The following REXO5 variants were observed in gnomAD, a reference collection of about 807,000 sequenced individuals.
REXO5 encodes exonuclease NEF-sp.
REXO5 carries 48 observed loss-of-function variants against 88.5 expected under a neutral mutation model. That is an observed-to-expected ratio of 0.54 (90% CI 0.43 to 0.69). The LOEUF (loss-of-function observed/expected upper bound fraction) is 0.69, where lower values mean the gene tolerates loss of function less well. Among genes scored for constraint, REXO5 ranks in the 30% least tolerant of loss-of-function variants. REXO5 has a pLI of 0.00. For synonymous variants in REXO5, 311 were observed against 336.5 expected, an observed-to-expected ratio of 0.92 and a Z score of 0.83; for missense variants, 749 against 912.2, an observed-to-expected ratio of 0.82 and a Z score of 2.30.
intron 5 of REXO5, among the ~76,000 whole-genome samples, chr16:20,820,512 T>TTTTATATATATATATATATATA (rs1249378107): frequency 2.2e-5 from 1 of 45,700 alleles, no homozygotes; most frequent in East Asian, 7.9e-4. Flanking sequence ...TTCTCTCTCT[T>TTTTATATATATATATATATATA]TATATATATA....
chr16:20,812,630 C>T (rs1474407747), intron 2 of REXO5, among the ~76,000 whole-genome samples: 1 of 152,092 alleles, frequency 6.6e-6, no homozygotes, highest in African/African-American at 2.4e-5. Flanking sequence ...TAGCTTAGGC[C>T]GCATTGATCT....
At chr16:20,815,156 C>T (rs2152501042) in intron 4 of REXO5, 103 bp downstream of exon 4, 1 of 1,292,704 alleles carries the variant, frequency 7.7e-7, no homozygotes, top group Non-Finnish European at 1.1e-6. Context: ...ACTGAACAAA[C>T]AGTAGGGGAT....
chr16:20,809,079 C>CA (rs1464505348), intron 2 of REXO5, among the ~76,000 whole-genome samples: 1 of 151,466 alleles, frequency 6.6e-6, no homozygotes, highest in East Asian at 1.9e-4. Flanking sequence ...ATCAAATTTG[C>CA]AAAAAAATGT....
intron 2 of REXO5, among the ~76,000 whole-genome samples, chr16:20,808,583 T>A (rs1399725489): frequency 6.6e-6 from 1 of 151,682 alleles, no homozygotes; most frequent in Non-Finnish European, 1.5e-5. Context: ...AAATAAGTTA[T>A]AATATGTGAG....
At chr16:20,843,818 A>T (rs1391850064) in intron 15 of REXO5, 116 bp from the exon 16 acceptor site, 1 of 654,234 alleles carries the variant, frequency 1.5e-6, no homozygotes, top group East Asian at 2.7e-5. Context: ...AGCCCAGCAC[A>T]GTAAAGGCAT....
At chr16:20,839,695 C>A in intron 13 of REXO5, 60 bp from the exon 14 acceptor site, 1 of 1,089,962 alleles carries the variant, frequency 9.2e-7, no homozygotes, top group South Asian at 1.6e-5. Flanking sequence ...TGGCTCATAT[C>A]CAGGAGCCAC....
At chr16:20,817,303 A>T (rs892977981) in intron 5 of REXO5, among the ~76,000 whole-genome samples, 19 of 152,092 alleles carry the variant, frequency 1.2e-4, no homozygotes, top group African/African-American at 4.6e-4. Context: ...ATTTGATTTG[A>T]TTTGCACTGT....
intron 13 of REXO5, among the ~76,000 whole-genome samples, chr16:20,834,733 C>T (rs191814437): frequency 6.6e-6 from 1 of 152,152 alleles, no homozygotes; most frequent in African/African-American, 2.4e-5. Flanking sequence ...ATCTAATCTA[C>T]TGATAATCCA....
chr16:20,845,101 G>C lies in REXO5; in HGVS notation c.1984G>C (p.Gly662Arg). Reference sequence around the variant, plus strand: ...CCAGCAGGCCCTCAACATTCTCACAGGCAAGGACTGGAAGCTGAAAGGCAG... The same window carrying C: ...CCAGCAGGCCCTCAACATTCTCACACGCAAGGACTGGAAGCTGAAAGGCAG... The part of the protein sequence containing the change: ...SAQQALNILT[G>R]KDWKLKGRHA... Residue 662 changes from glycine to arginine, a missense_variant, in exon 18 of 20, where the codon GGC becomes CGC. Gly to Arg is a moderately radical substitution (Grantham distance 125, BLOSUM62 -2). Transcript: ENST00000261377. 6.2e-7 allele frequency: 1 copy of C among 1,614,126 alleles called. No individual in the cohort carries two copies.
Position 20,816,103 on chromosome 16 carries a change from A to G in REXO5, c.379-13A>G, listed in dbSNP as rs201338479. The G allele has an allele frequency of 1.2e-6, 2 of 1,611,238 alleles. No individual in the cohort carries two copies. The highest frequency in any genetic ancestry group is 3.3e-5 in the Admixed American group (2 of 59,954). On this transcript the variant is annotated splice_polypyrimidine_tract_variant and intron_variant, in intron 4 of 19. Transcript: ENST00000261377. ...TTCAACCATTTTTGTAAAACCTGTTAATATATTTTCAGAAATTCCGCTTGC... is the reference window on the plus strand; with the variant it reads ...TTCAACCATTTTTGTAAAACCTGTTGATATATTTTCAGAAATTCCGCTTGC...
At chr16:20,843,188 TAC>T (rs1273344472) in intron 15 of REXO5, among the ~76,000 whole-genome samples, 1 of 152,224 alleles carries the variant, frequency 6.6e-6, no homozygotes, top group African/African-American at 2.4e-5. Flanking sequence ...CAGTTCCAGC[TAC>T]TCTGCAGTGT....
intron 11 of REXO5, among the ~76,000 whole-genome samples, chr16:20,831,786 C>T (rs1344824567): frequency 1.4e-5 from 2 of 146,116 alleles, no homozygotes; most frequent in African/African-American, 2.4e-5. Flanking sequence ...TCCAAAATTG[C>T]ATGTTTGCAG....
chr16:20,839,858 G>T lies in REXO5; in HGVS notation c.1487G>T (p.Arg496Met). 3 of 1,590,516 alleles carry T rather than the reference G, an allele frequency of 1.9e-6. No homozygotes were observed. The highest frequency in any genetic ancestry group is 2.6e-6 in the Non-Finnish European group (3 of 1,159,448). The change falls in exon 14 of 20, where the codon AGG (arginine) becomes ATG (methionine). Residue 496 changes from arginine to methionine, a missense_variant and splice_region_variant. Coordinates refer to ENST00000261377, the MANE Select transcript of REXO5 (RefSeq NM_030941.3). ...GTCCTCACTGAGGAGATGAACAAAA[G>T]GGTAAGTGAATGGGTTCTGCTGAAT... is the stretch of plus-strand genomic sequence containing the variant. ...SPVLTEEMNK[R>M]MRIKWTEIST...
intron 7 of REXO5, among the ~76,000 whole-genome samples, chr16:20,825,007 C>G (rs1432347671): frequency 7.0e-6 from 1 of 142,310 alleles, no homozygotes; most frequent in African/African-American, 2.6e-5. Flanking sequence ...GACTCGATCT[C>G]AAAAAAAAAA....
chr16:20,812,257 C>T (rs969887835), intron 2 of REXO5, among the ~76,000 whole-genome samples: 2 of 152,140 alleles, frequency 1.3e-5, no homozygotes, highest in African/African-American at 2.4e-5. Context: ...CGTGGTGGCT[C>T]ATGCTTGTAA....
chr16:20,840,609 C>T (rs1322938140), intron 15 of REXO5, 141 bp downstream of exon 15: 5 of 632,056 alleles, frequency 7.9e-6, no homozygotes, highest in Admixed American at 6.0e-5. Flanking sequence ...CTAATGAGAG[C>T]AGTTGTTGAC....
intron 2 of REXO5, 75 bp downstream of exon 2, chr16:20,807,166 G>A: frequency 1.3e-6 from 2 of 1,517,332 alleles, no homozygotes; most frequent in Admixed American, 2.1e-5. Flanking sequence ...CCGCCGTCGG[G>A]GGCACTGGAT....
chr16:20,825,815 T>C lies in REXO5; in HGVS notation c.706-18T>C, dbSNP rs1429772825. On this transcript the variant is annotated intron_variant, in intron 7 of 19. Transcript: ENST00000261377. ...AACTTCCACAGTTCAGCAGCCTGAC[T>C]ACATGTTGGTCTTTCAGTGCCTCAC... 1.3e-6 allele frequency: 2 copies of C among 1,562,888 alleles called. No individual in the cohort carries two copies. The highest frequency in any genetic ancestry group is 1.8e-6 in the Non-Finnish European group (2 of 1,134,206).
chr16:20,829,624 A>C (rs1227287649), intron 11 of REXO5, among the ~76,000 whole-genome samples: 1 of 152,202 alleles, frequency 6.6e-6, no homozygotes, highest in East Asian at 1.9e-4. Flanking sequence ...ATAGATAATA[A>C]TAGCCACCAC....
Sources: allele counts gnomAD v4.1 joint callset (sites outside exome capture counted in the v4.1 genomes callset), GRCh38; gene constraint gnomAD v4.1.1; transcripts MANE v1.5; gene names NCBI Gene and HGNC (gene_info 2026-07-23, HGNC 2026-07-21).